Variants in SRGAP2B observed in about 807,000 individuals in gnomAD.
SRGAP2B encodes SLIT-ROBO Rho GTPase-activating protein 2B.
Under a neutral mutation model 22.2 loss-of-function variants are expected in SRGAP2B, and 9 were observed. The ratio of observed to expected loss-of-function variants is 0.41; its 90% CI spans 0.24 to 0.71. The LOEUF is 0.71. Ranked by LOEUF, SRGAP2B falls within the 30% of genes least tolerant of loss-of-function variation. SRGAP2B has a pLI of 0.35. For synonymous variants in SRGAP2B, 36 were observed against 87.4 expected (o/e 0.41, Z 3.28); for missense variants, 114 against 235.8 (o/e 0.48, Z 3.38).
intron 3 of SRGAP2B, among the ~76,000 whole-genome samples, chr1:144,959,169 C>G (rs12091624): frequency 6.7e-6 from 1 of 150,098 alleles, no homozygotes. Context: ...AGGGCCTAGG[C>G]TGGGTTCATG....
rs201750308 is a variant in SRGAP2B, at chr1:144,965,975, T to G, written c.261-10374A>C. Reference sequence around the variant, plus strand: ...AAAAAGAAATGAGCAAAGCCTCCAATAAATATGGGACTATGTGAAAAGACC... The same window carrying G: ...AAAAAGAAATGAGCAAAGCCTCCAAGAAATATGGGACTATGTGAAAAGACC... On this transcript the variant is annotated intron_variant, in intron 3 of 9. Coordinates refer to ENST00000612199, the Ensembl canonical transcript of SRGAP2B. Among the ~76,000 whole-genome samples, 810 of 150,810 alleles carry G rather than the reference T, an allele frequency of 5.4e-3. 1 individual carries two copies. Among genetic ancestry groups the G allele is most frequent in the Non-Finnish European group, 8.2e-3 (559 of 67,824 alleles).
chr1:144,991,567 T>C (rs1339513297), intron 3 of SRGAP2B, among the ~76,000 whole-genome samples: 8 of 136,918 alleles, frequency 5.8e-5, no homozygotes, highest in East Asian at 4.4e-4. Flanking sequence ...CTGGTGAGGA[T>C]GTGGAGAACC....
intron 2 of SRGAP2B, among the ~76,000 whole-genome samples, chr1:145,011,505 C>G (rs1310697423): frequency 1.3e-5 from 2 of 150,900 alleles, no homozygotes; most frequent in Non-Finnish European, 2.9e-5. Context: ...TAGAACTTAA[C>G]ATGCCTGAAC....
chr1:145,007,398 A>G (rs1325695509), intron 2 of SRGAP2B, among the ~76,000 whole-genome samples: 4 of 150,826 alleles, frequency 2.7e-5, no homozygotes. Context: ...GAATTCCTTC[A>G]CCTTCACCAA....
chr1:144,951,127 C>A (rs1233045109), intron 4 of SRGAP2B, among the ~76,000 whole-genome samples: 1 of 150,964 alleles, frequency 6.6e-6, no homozygotes, highest in African/African-American at 2.5e-5. Flanking sequence ...CGATTACAGG[C>A]GTGAGCCACC....
intron 2 of SRGAP2B, among the ~76,000 whole-genome samples, chr1:144,997,167 G>A (rs587737292): frequency 6.6e-6 from 1 of 150,504 alleles, no homozygotes; most frequent in Non-Finnish European, 1.5e-5. Flanking sequence ...GGTGGCTCAC[G>A]CCTGTAATCC....
At chr1:144,902,774 A>G (rs1328719925) in intron 7 of SRGAP2B, among the ~76,000 whole-genome samples, 16 of 136,932 alleles carry the variant, frequency 1.2e-4, no homozygotes, top group African/African-American at 3.6e-4. Flanking sequence ...AAAAAAAAAA[A>G]AAAAGAAACA....
chr1:145,083,119 T>C (rs1334543547), intron 2 of SRGAP2B, among the ~76,000 whole-genome samples: 4 of 145,258 alleles, frequency 2.8e-5, no homozygotes, highest in Non-Finnish European at 5.9e-5. Flanking sequence ...ATGAACTCTG[T>C]ACAGAAGGCA....
Position 144,997,385 on chromosome 1 carries a change from C to T in SRGAP2B, c.68-2185G>A, listed in dbSNP as rs1390538367. Among the ~76,000 whole-genome samples the T allele has an allele frequency of 3.9e-4, 59 of 150,716 alleles. No individual in the cohort carries two copies. The South Asian group carries it at 6.0e-3, about 15-fold the overall frequency. On this transcript the variant is annotated intron_variant, in intron 2 of 9. Coordinates refer to ENST00000612199, the Ensembl canonical transcript of SRGAP2B. The stretch of plus-strand genomic sequence containing the variant: ...GGTGGAGCTTGCACTGAGCAGAGAT[C>T]GCACCACTGCACTCCAGCCTGGGCG...
chr1:144,997,195 G>A lies in SRGAP2B; in HGVS notation c.68-1995C>T, dbSNP rs1263488218. On this transcript the variant is annotated intron_variant, in intron 2 of 9. Coordinates refer to ENST00000612199, the Ensembl canonical transcript of SRGAP2B. ...TGTAATCCCAGCACTTTGGGAGGCCGAGGCGGGCGGATCACAAGGTCAGGA... is the reference window on the plus strand; with the variant it reads ...TGTAATCCCAGCACTTTGGGAGGCCAAGGCGGGCGGATCACAAGGTCAGGA... Among the ~76,000 whole-genome samples, 5 of 150,502 alleles carry A rather than the reference G, an allele frequency of 3.3e-5. No homozygotes were observed. The South Asian group carries it at 6.2e-4, about 19-fold the overall frequency.
At chr1:144,973,539 AAGACAGTT>A (rs1668682915) in intron 3 of SRGAP2B, among the ~76,000 whole-genome samples, 1 of 104,178 alleles carries the variant, frequency 9.6e-6, no homozygotes, top group African/African-American at 4.5e-5. Context: ...GCTTCTCTTG[AAGACAGTT>A]CCTACAATGT....
At chr1:144,997,194 C>T (rs1477934002) in intron 2 of SRGAP2B, among the ~76,000 whole-genome samples, 6 of 150,334 alleles carry the variant, frequency 4.0e-5, no homozygotes, top group East Asian at 1.9e-4. Context: ...TTTGGGAGGC[C>T]GAGGCGGGCG....
intron 3 of SRGAP2B, among the ~76,000 whole-genome samples, chr1:144,957,200 G>A (rs1291288090): frequency 6.6e-6 from 1 of 150,928 alleles, no homozygotes; most frequent in Non-Finnish European, 1.5e-5. Context: ...AAAGTGAGTT[G>A]AGAGTAGCTT....
intron 4 of SRGAP2B, among the ~76,000 whole-genome samples, chr1:144,925,817 A>C (rs1664694509): frequency 7.6e-6 from 1 of 132,224 alleles, no homozygotes; most frequent in South Asian, 2.5e-4. Context: ...AAAGAAAGGA[A>C]TCTACCTGGC....
chr1:145,079,888 C>T (rs1652769638), intron 2 of SRGAP2B, among the ~76,000 whole-genome samples: 1 of 149,628 alleles, frequency 6.7e-6, no homozygotes, highest in Non-Finnish European at 1.5e-5. Context: ...AGTCACTTCC[C>T]GAACAACCCA....
intron 5 of SRGAP2B, among the ~76,000 whole-genome samples, chr1:144,911,955 T>C (rs1191538238): frequency 4.5e-5 from 6 of 134,666 alleles, no homozygotes; most frequent in Non-Finnish European, 9.3e-5. Flanking sequence ...TTTTTCTTTT[T>C]TTTTTTTTTT....
At chr1:144,943,274 G>A (rs1666201456) in intron 4 of SRGAP2B, among the ~76,000 whole-genome samples, 1 of 145,310 alleles carries the variant, frequency 6.9e-6, no homozygotes, top group South Asian at 2.2e-4. Context: ...TTAGATACTG[G>A]CTTGGACAAA....
chr1:144,973,987 G>T (rs587756462), intron 3 of SRGAP2B, among the ~76,000 whole-genome samples: 2 of 150,252 alleles, frequency 1.3e-5, no homozygotes, highest in South Asian at 2.1e-4. Flanking sequence ...AGACACAGAG[G>T]CCCCAGCCTT....
chr1:144,963,563 GA>G (rs1553611592), intron 3 of SRGAP2B, among the ~76,000 whole-genome samples: 1 of 142,068 alleles, frequency 7.0e-6, no homozygotes, highest in Admixed American at 7.2e-5. Context: ...GATGTCACCA[GA>G]AGCCCTATAA....
Sources: gnomAD v4.1 joint callset for allele counts (sites outside exome capture counted in the v4.1 genomes callset) on GRCh38, gnomAD v4.1.1 for gene constraint, MANE v1.5 for transcripts, NCBI Gene and HGNC (gene_info 2026-07-23, HGNC 2026-07-21) for gene names.